Variants in FOXL3 observed in about 807,000 individuals in gnomAD.
The protein encoded by FOXL3 is forkhead box L3.
In FOXL3, 16 loss-of-function variants were observed where a neutral mutation model predicts 10.9. The observed-to-expected ratio is 1.46, with a 90% CI of 0.99 to 2.22. FOXL3 has a LOEUF of 2.22. Among genes scored for constraint, FOXL3 ranks in the 30% most tolerant of loss-of-function variants. The pLI is 0.00. For missense variants in FOXL3, 400 were observed against 337.9 expected (o/e 1.18, Z -1.44); for synonymous variants, 170 against 152.0 (o/e 1.12, Z -0.87).
rs2115225454 is a variant in FOXL3 at position 291,011 on chromosome 7, CGG to C, written c.277-50_277-49del. The C allele has an allele frequency of 5.3e-6, 7 of 1,328,736 alleles. No individual in the cohort carries two copies. The Admixed American group carries it at 2.9e-4, about 55-fold the overall frequency. The allele number at this position is 1,328,736 out of a possible 1,614,324, so 82.3% of individuals were successfully genotyped here. On this transcript the variant is annotated intron_variant, in intron 2 of 2. Coordinates refer to ENST00000506382, the MANE Select transcript of FOXL3 (RefSeq NM_001374838.1). ...GGGCGCCCCGAGGGGACAAGGCGGGCGGGCGCACCGTGCAGCGGAGCCGCTCC... is the reference window on the plus strand; with the variant it reads ...GGGCGCCCCGAGGGGACAAGGCGGGCGCGCACCGTGCAGCGGAGCCGCTCC...
At position 290,278 on chromosome 7, in the gene FOXL3, T is replaced by C; in HGVS notation, c.107+2T>C. ...GAGGCTCACGCGGCCCGCGTACAGG[T>C]GACTGCGGGGGCGGTGCTGGGGCTT... is the stretch of plus-strand genomic sequence containing the variant. On this transcript the variant is annotated splice_donor_variant, in intron 1 of 2. Transcript: ENST00000506382. LOFTEE classifies it high-confidence loss of function. The C allele has an allele frequency of 6.5e-7, 1 of 1,534,874 alleles. No individual in the cohort carries two copies. Among genetic ancestry groups the C allele is most frequent in the Non-Finnish European group, 8.7e-7 (1 of 1,145,950 alleles).
At chr7:290,946 C>A (rs1778632644) in intron 2 of FOXL3, 117 bp from the exon 3 acceptor site, 4 of 1,270,030 alleles carry the variant, frequency 3.1e-6, no homozygotes, top group Admixed American at 4.1e-5. Context: ...CCCACGGGGC[C>A]GCCTCCACCT....
chr7:290,507 G>A (rs1272915851), intron 1 of FOXL3, 146 bp from the exon 2 acceptor site: 2 of 906,046 alleles, frequency 2.2e-6, no homozygotes, highest in Non-Finnish European at 3.2e-6. Context: ...TGGGGTCTGG[G>A]TGGCGCCGGG....
Position 291,143 on chromosome 7 carries a change from C to G in FOXL3, c.357C>G (p.Leu119=). ...FAGGCESLLD[L]FENGNYRRRR... ...GCGGCTGCGAGTCGCTGCTGGACCT[C>G]TTCGAGAACGGCAACTACCGGCGGC... Residue 119 remains leucine, a synonymous_variant, in exon 3 of 3, where the codon CTC becomes CTG. Transcript: ENST00000506382. 1 of 1,339,740 alleles carries G rather than the reference C, an allele frequency of 7.5e-7. No individual in the cohort carries two copies. Among genetic ancestry groups the G allele is most frequent in the South Asian group, 1.8e-5 (1 of 56,856 alleles). The allele number at this position is 1,339,740 out of a possible 1,614,324, so 83.0% of individuals were successfully genotyped here. A position where few individuals can be genotyped will look rare whatever the true frequency, so the allele number is the denominator to read the frequency against.
At position 290,687 on chromosome 7, in the gene FOXL3, AGCCCC is replaced by A. The variant is rs1562414941; in HGVS notation, c.145_149del (p.Pro49GlyfsTer126). 5.6e-6 allele frequency: 8 copies of A among 1,434,578 alleles called. No homozygotes were observed. Among genetic ancestry groups the A allele is most frequent in the Non-Finnish European group, 7.3e-6 (8 of 1,099,778 alleles). The allele number at this position is 1,434,578 out of a possible 1,614,324, so 88.9% of individuals were successfully genotyped here. On this transcript the variant is annotated frameshift_variant, in exon 2 of 3. Coordinates refer to ENST00000506382, the MANE Select transcript of FOXL3 (RefSeq NM_001374838.1). LOFTEE classifies it high-confidence loss of function. ...CTTGATCGCCATGGCCATTCAGCAG[AGCCCC>A]GCGGGGAGGGTGACCCTGTCCGGCA...
rs1778634860 is a variant in FOXL3, at chr7:291,056, C to A, written c.277-7C>A. ...GCCGCTCCCAGCCCCTCCCTCCGCG[C>A]GCGCAGGTGCCGCGGTCCGAGGGCC... On this transcript the variant is annotated splice_region_variant and splice_polypyrimidine_tract_variant and intron_variant, in intron 2 of 2. Transcript: ENST00000506382. The A allele has an allele frequency of 2.2e-6, 3 of 1,382,598 alleles. No homozygotes were observed. Among genetic ancestry groups the A allele is most frequent in the South Asian group, 1.5e-5 (1 of 64,998 alleles). 85.6% of individuals were successfully genotyped at this position (1,382,598 alleles called of 1,614,324 possible).
In FOXL3 at chr7:291,054, C is replaced by CG; in HGVS notation, c.277-8dup. On this transcript the variant is annotated splice_polypyrimidine_tract_variant and intron_variant, in intron 2 of 2. Coordinates refer to ENST00000506382, the MANE Select transcript of FOXL3 (RefSeq NM_001374838.1). Reference sequence around the variant, plus strand: ...GAGCCGCTCCCAGCCCCTCCCTCCGCGCGCGCAGGTGCCGCGGTCCGAGGG... The same window carrying CG: ...GAGCCGCTCCCAGCCCCTCCCTCCGCGGCGCGCAGGTGCCGCGGTCCGAGGG... 7.2e-7 allele frequency: 1 copy of CG among 1,380,264 alleles called. No individual in the cohort carries two copies. Among genetic ancestry groups the CG allele is most frequent in the Non-Finnish European group, 9.3e-7 (1 of 1,069,956 alleles). 85.5% of individuals were successfully genotyped at this position (1,380,264 alleles called of 1,614,324 possible). A position where few individuals can be genotyped will look rare whatever the true frequency, so the allele number is the denominator to read the frequency against.
In FOXL3 at chr7:291,339, GGGAA is replaced by G; in HGVS notation, c.557_560del (p.Lys186SerfsTer?). On this transcript the variant is annotated frameshift_variant, in exon 3 of 3. Transcript: ENST00000506382. LOFTEE classifies it low-confidence loss of function (END_TRUNC). ...GCCCCCCGCCAGCCCCGCTCCCCCG[GGGAA>G]GGAGCACCCCCGGGACCTCAAGTTC... is the stretch of plus-strand genomic sequence containing the variant. 1 of 1,283,820 alleles carries G rather than the reference GGGAA, an allele frequency of 7.8e-7. No individual in the cohort carries two copies. The highest frequency in any genetic ancestry group is 3.1e-5 in the East Asian group (1 of 32,258). 79.5% of individuals were successfully genotyped at this position (1,283,820 alleles called of 1,614,324 possible). A position where few individuals can be genotyped will look rare whatever the true frequency, so the allele number is the denominator to read the frequency against.
intron 1 of FOXL3, 107 bp downstream of exon 1, chr7:290,383 TTC>T: frequency 1.0e-6 from 1 of 957,728 alleles, no homozygotes; most frequent in Non-Finnish European, 1.6e-6. Flanking sequence ...GGGAGCTTTC[TTC>T]TCTCCGGCGG....
rs1778619081 is a variant in FOXL3 at position 290,565 on chromosome 7, G to A, written c.108-88G>A. The A allele has an allele frequency of 3.0e-5, 39 of 1,293,992 alleles. 1 individual carries two copies. The South Asian group carries it at 3.9e-4, about 13-fold the overall frequency. The allele number at this position is 1,293,992 out of a possible 1,614,324, so 80.2% of individuals were successfully genotyped here. On this transcript the variant is annotated intron_variant, in intron 1 of 2. Transcript: ENST00000506382. ...TTCCCCAACACCGCCTCGCTCCTCCGCCTCTGCGCCCCACGGCGTCCTGCG... is the reference window on the plus strand; with the variant it reads ...TTCCCCAACACCGCCTCGCTCCTCCACCTCTGCGCCCCACGGCGTCCTGCG...
chr7:291,433 A>G lies in FOXL3; in HGVS notation c.647A>G (p.Gln216Arg). The change falls in exon 3 of 3, where the codon CAA becomes CGA. Residue 216 changes from glutamine to arginine, a missense_variant. Physicochemically the swap from Gln to Arg is conservative, Grantham distance 43. Transcript: ENST00000506382. ...FPGLKPPCLA[Q>R]EGRYPRLENV... is the part of the protein sequence containing the mutation. ...GGGCTCAAGCCGCCCTGCCTCGCAC[A>G]AGAGGGCAGATACCCGCGGCTGGAG... The G allele has an allele frequency of 8.0e-7, 1 of 1,246,170 alleles. No homozygotes were observed. Among genetic ancestry groups the G allele is most frequent in the Non-Finnish European group, 1.0e-6 (1 of 994,728 alleles). The allele number at this position is 1,246,170 out of a possible 1,614,324, so 77.2% of individuals were successfully genotyped here.
rs1357306688 is a variant in FOXL3, at chr7:290,971, C to T, written c.277-92C>T. On this transcript the variant is annotated intron_variant, in intron 2 of 2. Transcript: ENST00000506382. ...CGCCTCCACCTGCGCAGTGCGCCACCCTCGCCCCGGTCCAGGGCGCCCCGA... is the reference window on the plus strand; with the variant it reads ...CGCCTCCACCTGCGCAGTGCGCCACTCTCGCCCCGGTCCAGGGCGCCCCGA... 7 of 1,281,320 alleles carry T rather than the reference C, an allele frequency of 5.5e-6. No individual in the cohort carries two copies. The Admixed American group carries it at 2.1e-4, about 39-fold the overall frequency. 79.4% of individuals were successfully genotyped at this position (1,281,320 alleles called of 1,614,324 possible).
Position 290,781 on chromosome 7 carries a change from C to A in FOXL3, c.236C>A (p.Ser79Tyr). 1 of 1,494,924 alleles carries A rather than the reference C, an allele frequency of 6.7e-7. No individual in the cohort carries two copies. Among genetic ancestry groups the A allele is most frequent in the South Asian group, 1.4e-5 (1 of 73,992 alleles). 92.6% of individuals were successfully genotyped at this position (1,494,924 alleles called of 1,614,324 possible). A position where few individuals can be genotyped will look rare whatever the true frequency, so the allele number is the denominator to read the frequency against. Residue 79 changes from serine to tyrosine, a missense_variant, in exon 2 of 3, where the codon TCC (serine) becomes TAC (tyrosine). Transcript: ENST00000506382. ...GCCAACCAGCGCGCCTGGCAGAACT[C>A]CATCCGCCACAACCTGTCCCTCAAC... ...YRANQRAWQN[S>Y]IRHNLSLNSC...
At position 290,831 on chromosome 7, in the gene FOXL3, G is replaced by GC; in HGVS notation, c.276+15dup. The GC allele has an allele frequency of 7.0e-7, 1 of 1,423,352 alleles. No homozygotes were observed. The highest frequency in any genetic ancestry group is 9.2e-7 in the Non-Finnish European group (1 of 1,091,504). 88.2% of individuals were successfully genotyped at this position (1,423,352 alleles called of 1,614,324 possible). Reference sequence around the variant, plus strand: ...CAGCTGCTTCGTCAAGGTGAGCGCCGCCCCCGACGGGCCCCGGGTGTCCCA... The same window carrying GC: ...CAGCTGCTTCGTCAAGGTGAGCGCCGCCCCCCGACGGGCCCCGGGTGTCCCA... On this transcript the variant is annotated intron_variant, in intron 2 of 2. Transcript: ENST00000506382.
In FOXL3 at chr7:290,590, G is replaced by A. The variant is rs554455226; in HGVS notation, c.108-63G>A. On this transcript the variant is annotated intron_variant, in intron 1 of 2. Coordinates refer to ENST00000506382, the MANE Select transcript of FOXL3 (RefSeq NM_001374838.1). Reference sequence around the variant, plus strand: ...GCCTCTGCGCCCCACGGCGTCCTGCGGGATGGGGGGAAGGACGGGGGGCTG... The same window carrying A: ...GCCTCTGCGCCCCACGGCGTCCTGCAGGATGGGGGGAAGGACGGGGGGCTG... 1.8e-5 allele frequency: 25 copies of A among 1,387,622 alleles called. 1 individual carries two copies. In the Admixed American group the frequency reaches 6.7e-4, roughly 37 times the overall value. 86.0% of individuals were successfully genotyped at this position (1,387,622 alleles called of 1,614,324 possible).
intron 2 of FOXL3, 66 bp from the exon 3 acceptor site, chr7:290,997 G>T: frequency 7.6e-7 from 1 of 1,316,772 alleles, no homozygotes. Context: ...GGCGCCCCGA[G>T]GGGACAAGGC....
chr7:291,191 G>C lies in FOXL3; in HGVS notation c.405G>C (p.Lys135Asn). The C allele has an allele frequency of 8.1e-7, 1 of 1,235,086 alleles. No homozygotes were observed. Among genetic ancestry groups the C allele is most frequent in the Non-Finnish European group, 1.0e-6 (1 of 989,016 alleles). 76.5% of individuals were successfully genotyped at this position (1,235,086 alleles called of 1,614,324 possible). Residue 135 changes from lysine to asparagine, a missense_variant, in exon 3 of 3, where the codon AAG (lysine) becomes AAC (asparagine). Coordinates refer to ENST00000506382, the MANE Select transcript of FOXL3 (RefSeq NM_001374838.1). Reference sequence around the variant, plus strand: ...GGCGGCGGCGGCGGCGCGGCCCCAAGCGCGAGGGGCCGAGGGGTCCGCGCG... The same window carrying C: ...GGCGGCGGCGGCGGCGCGGCCCCAACCGCGAGGGGCCGAGGGGTCCGCGCG... ...YRRRRRRRGP[K>N]REGPRGPRAG...
Position 291,123 on chromosome 7 carries a change from T to C in FOXL3, c.337T>C (p.Cys113Arg), listed in dbSNP as rs1287819625. 7.1e-7 allele frequency: 1 copy of C among 1,403,902 alleles called. No homozygotes were observed. The highest frequency in any genetic ancestry group is 1.4e-5 in the South Asian group (1 of 71,092). 87.0% of individuals were successfully genotyped at this position (1,403,902 alleles called of 1,614,324 possible). The stretch of plus-strand genomic sequence containing the variant: ...CAACTACTGGACGTTCGCGGGCGGC[T>C]GCGAGTCGCTGCTGGACCTCTTCGA... ...KGNYWTFAGG[C>R]ESLLDLFENG... The change falls in exon 3 of 3, where the codon TGC (cysteine) becomes CGC (arginine). Residue 113 changes from cysteine (C) to arginine (R), a missense_variant. Transcript: ENST00000506382.
rs191130490 is a variant in FOXL3 at position 291,309 on chromosome 7, C to A, written c.523C>A (p.Arg175Ser). Residue 175 changes from arginine (R) to serine (S), a missense_variant, in exon 3 of 3, where the codon CGT becomes AGT. Physicochemically the swap from Arg to Ser is moderately radical, Grantham distance 110. Coordinates refer to ENST00000506382, the MANE Select transcript of FOXL3 (RefSeq NM_001374838.1). ...CAGCGCTGGCGAGGGCGCCCCGGGCCGTGAGCCCCCCGCCAGCCCCGCTCC... is the reference window on the plus strand; with the variant it reads ...CAGCGCTGGCGAGGGCGCCCCGGGCAGTGAGCCCCCCGCCAGCCCCGCTCC... The part of the protein sequence containing the change: ...PDSAGEGAPG[R>S]EPPASPAPPG... 2,669 of 1,253,642 alleles carry A rather than the reference C, an allele frequency of 2.1e-3. 38 individuals carry two copies. In the African/African-American group the frequency reaches 0.036, roughly 17 times the overall value. The allele number at this position is 1,253,642 out of a possible 1,614,324, so 77.7% of individuals were successfully genotyped here. A position where few individuals can be genotyped will look rare whatever the true frequency, so the allele number is the denominator to read the frequency against.
Sources: allele counts gnomAD v4.1 joint callset, GRCh38; gene constraint gnomAD v4.1.1; transcripts MANE v1.5; gene names NCBI Gene and HGNC (gene_info 2026-07-23, HGNC 2026-07-21).